The following ZNF800 variants were observed in gnomAD, a reference collection of about 807,000 sequenced individuals.
The protein encoded by ZNF800 is zinc finger protein 800.
Under a neutral mutation model 59.5 loss-of-function variants are expected in ZNF800, and 13 were observed. That is an observed-to-expected ratio of 0.22 (90% CI 0.14 to 0.35). ZNF800 has a LOEUF of 0.35. Ranked by LOEUF, ZNF800 falls within the 10% of genes least tolerant of loss-of-function variation. ZNF800 has a pLI of 1.00. For synonymous variants in ZNF800, 266 were observed against 265.7 expected (o/e 1.00, Z -0.01); for missense variants, 621 against 783.7 (o/e 0.79, Z 2.48).
chr7:127,364,245 C>T (rs1021966551), intron 1 of ZNF800: 1 of 152,060 alleles, frequency 6.6e-6, no homozygotes, highest in Non-Finnish European at 1.5e-5. Context: ...TATGTGGTGA[C>T]CTTCAAGTGA....
In ZNF800 at chr7:127,377,316, A is replaced by G; in HGVS notation, c.171T>C (p.Leu57=). Residue 57 remains leucine (L), a synonymous_variant, in exon 4 of 6, where the codon CTT becomes CTC. Coordinates refer to ENST00000265827, the MANE Select transcript of ZNF800 (RefSeq NM_176814.5). This position sits in a 1 kb window ranked among gnomAD's most constrained non-coding sequence, Gnocchi z 4.7. ...CCACATCTTTTAATAAAATATGCTTAAGTTGTTTAGTTCCTGAGAGAAAAA... is the reference window on the plus strand; with the variant it reads ...CCACATCTTTTAATAAAATATGCTTGAGTTGTTTAGTTCCTGAGAGAAAAA... ...IECFRSGTKQ[L]KHILLKDVDT... 1 of 1,604,652 alleles carries G rather than the reference A, an allele frequency of 6.2e-7. No individual in the cohort carries two copies. The highest frequency in any genetic ancestry group is 1.3e-5 in the African/African-American group (1 of 74,634).
intron 3 of ZNF800, among the ~76,000 whole-genome samples, chr7:127,384,389 G>A (rs886376896): frequency 3.3e-5 from 5 of 150,904 alleles, no homozygotes; most frequent in Admixed American, 6.6e-5. Flanking sequence ...GCCCGCCGCC[G>A]CCCCCCAGCT....
chr7:127,379,617 C>T (rs1800894289), intron 3 of ZNF800, among the ~76,000 whole-genome samples: 3 of 152,058 alleles, frequency 2.0e-5, no homozygotes, highest in Admixed American at 1.3e-4. Flanking sequence ...TATAAGACTG[C>T]ATCCCTAAAT....
At chr7:127,360,388 T>C (rs1800371098) in intron 1 of ZNF800, 1 of 152,142 alleles carries the variant, frequency 6.6e-6, no homozygotes, top group African/African-American at 2.4e-5. Flanking sequence ...TCTACTCTAG[T>C]ACATTGAAAA....
chr7:127,374,010 G>C lies in ZNF800; in HGVS notation c.1326C>G (p.Asn442Lys), dbSNP rs1562904024. 1 of 1,613,952 alleles carries C rather than the reference G, an allele frequency of 6.2e-7. No homozygotes were observed. Among genetic ancestry groups the C allele is most frequent in the Non-Finnish European group, 8.5e-7 (1 of 1,179,996 alleles). The change falls in exon 5 of 6, where the codon AAC becomes AAG. Residue 442 changes from asparagine to lysine, a missense_variant. Physicochemically the swap from Asn to Lys is moderately conservative, Grantham distance 94 (BLOSUM62 0). Transcript: ENST00000265827. ...KGTNHSNEKK[N>K]TPAAQKNKVK... The stretch of plus-strand genomic sequence containing the variant: ...CTTTATTTTTCTGTGCTGCCGGTGT[G>C]TTCTTTTTTTCATTTGAATGATTTG...
chr7:127,356,781 G>T (rs999400266), intron 1 of ZNF800, among the ~76,000 whole-genome samples: 136 of 151,552 alleles, frequency 9.0e-4, no homozygotes, highest in South Asian at 3.3e-3. Context: ...GTGTGTGTGT[G>T]TTTTTTTTAC....
intron 1 of ZNF800, among the ~76,000 whole-genome samples, chr7:127,357,797 A>T (rs1562896983): frequency 6.6e-6 from 1 of 152,042 alleles, no homozygotes; most frequent in Non-Finnish European, 1.5e-5. Flanking sequence ...TTCTCAGAGT[A>T]AAATCAAATA....
chr7:127,343,171 C>T (rs1437860122), downstream of ZNF800, among the ~76,000 whole-genome samples: 3 of 150,724 alleles, frequency 2.0e-5, no homozygotes, highest in Non-Finnish European at 4.4e-5. Context: ...TCAATTAGTA[C>T]AAAACATTCA....
At chr7:127,385,228 G>A (rs550742784) in intron 3 of ZNF800, among the ~76,000 whole-genome samples, 110 of 152,230 alleles carry the variant, frequency 7.2e-4, no homozygotes, top group African/African-American at 2.6e-3. Flanking sequence ...TTTAAATAAT[G>A]ACAAGGTATT....
intron 3 of ZNF800, among the ~76,000 whole-genome samples, chr7:127,381,028 T>C (rs1800962194): frequency 6.6e-6 from 1 of 152,200 alleles, no homozygotes; most frequent in Non-Finnish European, 1.5e-5. Flanking sequence ...GTTTAAAATA[T>C]TTTTTCAAAA....
intron 4 of ZNF800, among the ~76,000 whole-genome samples, chr7:127,375,501 C>T (rs1800767721): frequency 6.6e-6 from 1 of 151,878 alleles, no homozygotes; most frequent in South Asian, 2.1e-4. Flanking sequence ...CCATAATAGT[C>T]TAATCTAATC....
At chr7:127,355,105 T>C (rs1173613342) in intron 1 of ZNF800, among the ~76,000 whole-genome samples, 1 of 152,084 alleles carries the variant, frequency 6.6e-6, no homozygotes, top group Non-Finnish European at 1.5e-5. Flanking sequence ...AAATTGAAAC[T>C]GAGATAGGAA....
downstream of ZNF800, among the ~76,000 whole-genome samples, chr7:127,345,503 G>C (rs1047167282): frequency 2.6e-5 from 4 of 152,166 alleles, no homozygotes; most frequent in African/African-American, 9.7e-5. Context: ...GTTGTGGTGG[G>C]AGAGAGGGTG....
chr7:127,380,133 GTTGT>G (rs1044616344), intron 3 of ZNF800, among the ~76,000 whole-genome samples: 8 of 151,404 alleles, frequency 5.3e-5, no homozygotes, highest in Non-Finnish European at 1.0e-4. Context: ...GTTTTTTGTT[GTTGT>G]TTGTTAAAAA....
At chr7:127,385,613 T>A (rs17863290) in intron 3 of ZNF800, among the ~76,000 whole-genome samples, 141,770 of 151,768 alleles carry the variant, frequency 0.93, 66,282 homozygotes, top group East Asian at 1. Flanking sequence ...AGGGTTAGGA[T>A]GAAGGAGGTG....
At chr7:127,384,227 C>CTTTTTGTTTTTTTTTTTTT (rs1801064033) in intron 3 of ZNF800, among the ~76,000 whole-genome samples, 1 of 63,392 alleles carries the variant, frequency 1.6e-5, no homozygotes, top group Non-Finnish European at 2.8e-5. Flanking sequence ...ATTCTAACTT[C>CTTTTTGTTTTTTTTTTTTT]TTTTTTTTTT....
At chr7:127,369,672 C>A (rs541114878), downstream of ZNF800, among the ~76,000 whole-genome samples, 1 of 152,186 alleles carries the variant, frequency 6.6e-6, no homozygotes, top group Admixed American at 6.5e-5. Context: ...ATTTTTCCTA[C>A]ATGACCCAGA....
At chr7:127,385,963 T>C (rs567705904) in intron 3 of ZNF800, 97 bp downstream of exon 3, 42 of 756,968 alleles carry the variant, frequency 5.5e-5, no homozygotes, top group African/African-American at 5.0e-4. Context: ...AGCCAACATA[T>C]ACATTTTAAT....
chr7:127,391,365 G>T, intron 2 of ZNF800, 132 bp downstream of exon 2: 2 of 854,778 alleles, frequency 2.3e-6, no homozygotes, highest in Non-Finnish European at 1.9e-6. Flanking sequence ...CTTCATAACT[G>T]GCTTATGCTA....
Sources: gnomAD v4.1 joint callset for allele counts (sites outside exome capture counted in the v4.1 genomes callset) on GRCh38, gnomAD v4.1.1 for gene constraint, Gnocchi (gnomAD v3.1) non-coding constraint, MANE v1.5 for transcripts, NCBI Gene and HGNC (gene_info 2026-07-23, HGNC 2026-07-21) for gene names.